The following NARF variants were observed in gnomAD, a reference collection of about 807,000 sequenced individuals.
NARF encodes the protein iron-only hydrogenase-like protein 2.
In NARF, 41 loss-of-function variants were observed where a neutral mutation model predicts 48.0. That is an observed-to-expected ratio of 0.85 (90% CI 0.66 to 1.11). The LOEUF (loss-of-function observed/expected upper bound fraction) is 1.11. Ranked by LOEUF, NARF falls within the 50% of genes least tolerant of loss-of-function variation. The pLI, the probability that NARF is intolerant of heterozygous loss-of-function variation, is 0.00. For synonymous variants in NARF, 215 were observed against 225.5 expected, an observed-to-expected ratio of 0.95 and a Z score of 0.42; for missense variants, 613 against 590.2, an observed-to-expected ratio of 1.04 and a Z score of -0.40.
intron 6 of NARF, chr17:82,480,675 G>A (rs2043942064): frequency 2.3e-6 from 1 of 436,826 alleles, no homozygotes. Flanking sequence ...GCTCACGCCT[G>A]TAATTCTAGT....
At chr17:82,479,090 G>A (rs970620244) in intron 6 of NARF, 172 bp downstream of exon 6, 9 of 560,798 alleles carry the variant, frequency 1.6e-5, no homozygotes, top group Admixed American at 1.0e-4. Context: ...ACCAACGCCC[G>A]TCTCTATTCC....
At chr17:82,482,093 A>C (rs2043978322) in intron 7 of NARF, 1 of 295,820 alleles carries the variant, frequency 3.4e-6, no homozygotes, top group Non-Finnish European at 6.7e-6. Context: ...TGGTGGGGGA[A>C]GCTTAAGACT....
intron 3 of NARF, among the ~76,000 whole-genome samples, chr17:82,465,781 G>C (rs1044423044): frequency 6.6e-6 from 1 of 152,132 alleles, no homozygotes; most frequent in East Asian, 1.9e-4. Context: ...GCCCAGGCTG[G>C]TCCTGAACTC....
intron 4 of NARF, among the ~76,000 whole-genome samples, chr17:82,470,694 C>T (rs2043678949): frequency 6.6e-6 from 1 of 151,794 alleles, no homozygotes; most frequent in Admixed American, 6.6e-5. Flanking sequence ...TGGGGTTTCA[C>T]CATGTTAGCC....
intron 1 of NARF, chr17:82,459,059 C>T: frequency 8.3e-7 from 1 of 1,202,934 alleles, no homozygotes; most frequent in Non-Finnish European, 1.0e-6. Flanking sequence ...GTCCATCTTT[C>T]CCACGCCCGC....
intron 2 of NARF, chr17:82,464,062 C>T: frequency 1.9e-6 from 1 of 514,074 alleles, no homozygotes; most frequent in Non-Finnish European, 3.4e-6. Context: ...CTGCATGGTT[C>T]CCTAGTGTCA....
In NARF at chr17:82,480,930, C is replaced by CAAA. The variant is rs35163925; in HGVS notation, c.640-135_640-133dup. The CAAA allele has an allele frequency of 7.1e-4, 447 of 627,802 alleles. 1 individual carries two copies. The highest frequency in any genetic ancestry group is 2.6e-3 in the Middle Eastern group (5 of 1,890). 38.9% of individuals were successfully genotyped at this position (627,802 alleles called of 1,614,324 possible). A position where few individuals can be genotyped will look rare whatever the true frequency, so the allele number is the denominator to read the frequency against. The stretch of plus-strand genomic sequence containing the variant: ...CTGGTGACAGAGCAAGACTCCATTT[C>CAAA]AAAAAAAAAAAAAAAAAAAGAGTGC... On this transcript the variant is annotated intron_variant, in intron 6 of 10. Transcript: ENST00000309794.
rs367797471 is a variant in NARF, at chr17:82,488,131, A to G, written c.1345A>G (p.Thr449Ala). 2.2e-5 allele frequency: 35 copies of G among 1,613,868 alleles called. No individual in the cohort carries two copies. The East Asian group carries it at 4.0e-4, about 18-fold the overall frequency. The stretch of plus-strand genomic sequence containing the variant: ...CACGTACCAGAGCCAGGAGCGTGGC[A>G]CACACAGCCTGGACATCAAGTGGTG... The part of the protein sequence containing the change: ...HTTYQSQERG[T>A]HSLDIKW Residue 449 changes from threonine to alanine, a missense_variant, in exon 11 of 11, where the codon ACA (threonine) becomes GCA (alanine). Thr to Ala is a moderately conservative substitution (Grantham distance 58, BLOSUM62 0). Transcript: ENST00000309794.
chr17:82,458,721 C>T (rs578049498), upstream of NARF: 6 of 1,425,636 alleles, frequency 4.2e-6, no homozygotes, highest in East Asian at 2.9e-5. Flanking sequence ...AACAAAGGGC[C>T]GCGGGCGGCG....
chr17:82,473,720 G>A (rs879409930), intron 5 of NARF, among the ~76,000 whole-genome samples: 1 of 151,616 alleles, frequency 6.6e-6, no homozygotes, highest in Non-Finnish European at 1.5e-5. Context: ...ACCACGCCTG[G>A]CTAATTTTTG....
chr17:82,478,416 G>A (rs890904712), intron 5 of NARF, among the ~76,000 whole-genome samples: 5 of 152,242 alleles, frequency 3.3e-5, no homozygotes, highest in Admixed American at 3.3e-4. Flanking sequence ...CTGAGCGGTA[G>A]CTGCGTGTCC....
At chr17:82,460,094 G>C (rs369305160) in intron 2 of NARF, 22 bp downstream of exon 2, 187 of 1,603,660 alleles carry the variant, frequency 1.2e-4, no homozygotes, top group Non-Finnish European at 1.5e-4. Context: ...TTTCAGTTTT[G>C]TATCAGCCCA....
rs2044149631 is a variant in NARF, at chr17:82,488,596, A to C, written c.*439A>C. The C allele has an allele frequency of 6.1e-6, 1 of 163,552 alleles. No individual in the cohort carries two copies. The highest frequency in any genetic ancestry group is 1.4e-5 in the Non-Finnish European group (1 of 73,844). 10.1% of individuals were successfully genotyped at this position (163,552 alleles called of 1,614,324 possible). A position where few individuals can be genotyped will look rare whatever the true frequency, so the allele number is the denominator to read the frequency against. The stretch of plus-strand genomic sequence containing the variant: ...CACTATGTTGGCCAGGCTGGTATTG[A>C]ATTCCTGACCTCCTGATCCACCCGC... On this transcript the variant is annotated 3_prime_UTR_variant, in exon 11 of 11. Transcript: ENST00000309794.
chr17:82,482,802 T>G (rs941651929), intron 7 of NARF: 4 of 151,992 alleles, frequency 2.6e-5, no homozygotes, highest in Non-Finnish European at 5.9e-5. Context: ...CGTCTCTTTT[T>G]TTTTATTTTT....
Position 82,485,610 on chromosome 17 carries a change from G to A in NARF, c.1085G>A (p.Gly362Asp), listed in dbSNP as rs1220120481. 1.2e-6 allele frequency: 2 copies of A among 1,614,064 alleles called. No homozygotes were observed. The highest frequency in any genetic ancestry group is 4.5e-5 in the East Asian group (2 of 44,898). The change falls in exon 10 of 11, where the codon GGC (glycine) becomes GAC (aspartate). Residue 362 changes from glycine (G) to aspartate (D), a missense_variant. By Grantham distance (94) the Gly-to-Asp change is moderately conservative. Transcript: ENST00000309794. ...AACATGATCCTGAAGCTTAAGAAGG[G>A]CAAGTTCCCATTCCACTTTGTGGAG... Reference protein sequence around the residue: ...IQNMILKLKKGKFPFHFVEVL... With the variant: ...IQNMILKLKKDKFPFHFVEVL...
chr17:82,464,890 C>T lies in NARF; in HGVS notation c.252+460C>T, dbSNP rs554463678. Among the ~76,000 whole-genome samples the T allele has an allele frequency of 9.2e-5, 14 of 152,360 alleles. No individual in the cohort carries two copies. The South Asian group carries it at 2.1e-3, about 23-fold the overall frequency. On this transcript the variant is annotated intron_variant, in intron 3 of 10. Coordinates refer to ENST00000309794, the MANE Select transcript of NARF (RefSeq NM_012336.4). ...CAAAGCTCCTTCCTTCAGCTCATCC[C>T]TGCAGACCTCCTATACAGAACGAGA...
intron 5 of NARF, among the ~76,000 whole-genome samples, chr17:82,473,429 C>G (rs1240577942): frequency 1.3e-5 from 2 of 151,282 alleles, no homozygotes; most frequent in Non-Finnish European, 2.9e-5. Flanking sequence ...GAGACAGAGT[C>G]TCGCTCTGTC....
chr17:82,472,873 A>G (rs2043745426), intron 5 of NARF, among the ~76,000 whole-genome samples, 175 bp downstream of exon 5: 1 of 152,168 alleles, frequency 6.6e-6, no homozygotes, highest in Non-Finnish European at 1.5e-5. Flanking sequence ...GGGACAGCCA[A>G]TTTAGTTTTT....
chr17:82,483,969 G>A, intron 8 of NARF, 190 bp downstream of exon 8: 1 of 554,070 alleles, frequency 1.8e-6, no homozygotes, highest in Non-Finnish European at 3.2e-6. Flanking sequence ...ATTCACCAGG[G>A]CTGCCAGGGA....
Sources: allele counts gnomAD v4.1 joint callset (sites outside exome capture counted in the v4.1 genomes callset), GRCh38; gene constraint gnomAD v4.1.1; transcripts MANE v1.5; gene names NCBI Gene and HGNC (gene_info 2026-07-23, HGNC 2026-07-21).